Variants in MARF1 observed in about 807,000 individuals in gnomAD.
MARF1 encodes the protein meiosis regulator and mRNA stability factor 1, also known as limkain-b1.
A neutral mutation model predicts 168.2 loss-of-function variants in MARF1; 24 were observed. That is an observed-to-expected ratio of 0.14 (90% CI 0.10 to 0.20). The LOEUF (loss-of-function observed/expected upper bound fraction) is 0.20, where lower values mean the gene tolerates loss of function less well. MARF1 is among the 10% of genes least tolerant of loss of function. The pLI, the probability that MARF1 is intolerant of heterozygous loss-of-function variation, is 1.00. For missense variants in MARF1, 1,744 were observed against 2,143.6 expected (o/e 0.81, Z 3.68); for synonymous variants, 868 against 822.4 (o/e 1.06, Z -0.95).
rs1442880573 is a variant in MARF1, at chr16:15,608,515, A to C, written c.3958T>G (p.Leu1320Val). The change falls in exon 21 of 27, where the codon TTG becomes GTG. Residue 1320 changes from leucine (L) to valine (V), a missense_variant. Leu to Val is a conservative substitution (Grantham distance 32). Coordinates refer to ENST00000396368, the MANE Select transcript of MARF1 (RefSeq NM_014647.4). Reference protein sequence around the residue: ...FEAIPDTLQVLECGEEKILTL... With the variant: ...FEAIPDTLQVVECGEEKILTL... ...AGGATCTTTTCTTCTCCACATTCCA[A>C]TACCTTTGAAAACACACGGGGGGAG... The C allele has an allele frequency of 2.5e-6, 4 of 1,611,822 alleles. 1 individual carries two copies.
rs1268652463 is a variant in MARF1 at position 15,621,917 on chromosome 16, A to G, written c.2461-6T>C. 1 of 1,611,028 alleles carries G rather than the reference A, an allele frequency of 6.2e-7. No homozygotes were observed. Among genetic ancestry groups the G allele is most frequent in the African/African-American group, 1.3e-5 (1 of 74,744 alleles). On this transcript the variant is annotated splice_region_variant and splice_polypyrimidine_tract_variant and intron_variant, in intron 11 of 26. Transcript: ENST00000396368. ...CTGAGCTCAACACTCTTCACCTACA[A>G]CAGGAAAAGCGAAAACTAAACGCTA...
In MARF1 at chr16:15,596,297, T is replaced by A. The variant is rs1271039318; in HGVS notation, c.*396A>T. ...CACCAGTAAGCAAAGGCTGAGAGAC[T>A]CTATTATGCTACATGTAGGATGACA... On this transcript the variant is annotated 3_prime_UTR_variant, in exon 27 of 27. Coordinates refer to ENST00000396368, the MANE Select transcript of MARF1 (RefSeq NM_014647.4). The A allele has an allele frequency of 1.3e-5, 2 of 157,522 alleles. No homozygotes were observed. Among genetic ancestry groups the A allele is most frequent in the African/African-American group, 2.4e-5 (1 of 41,554 alleles). The allele number at this position is 157,522 out of a possible 1,614,324, so 9.8% of individuals were successfully genotyped here. A position where few individuals can be genotyped will look rare whatever the true frequency, so the allele number is the denominator to read the frequency against.
chr16:15,623,453 T>C (rs896627833), intron 10 of MARF1, among the ~76,000 whole-genome samples: 1 of 151,674 alleles, frequency 6.6e-6, no homozygotes, highest in Non-Finnish European at 1.5e-5. Context: ...CTAATTTTTT[T>C]TATTTTTGGT....
chr16:15,640,397 CT>C (rs2035870787), intron 1 of MARF1, among the ~76,000 whole-genome samples: 1 of 152,202 alleles, frequency 6.6e-6, no homozygotes, highest in Non-Finnish European at 1.5e-5. Flanking sequence ...CAACAACACT[CT>C]TACAGGTCTT....
At chr16:15,642,030 G>A (rs773728760) in intron 1 of MARF1, among the ~76,000 whole-genome samples, 3 of 152,104 alleles carry the variant, frequency 2.0e-5, no homozygotes, top group South Asian at 2.1e-4. Context: ...GTGCAGCTTT[G>A]GACAACTCAC....
rs115105986 is a variant in MARF1, at chr16:15,609,791, A to G, written c.3752-66T>C. 3,973 of 1,298,390 alleles carry G rather than the reference A, an allele frequency of 3.1e-3. 94 individuals carry two copies. In the African/African-American group the frequency reaches 0.051, roughly 17 times the overall value. The allele number at this position is 1,298,390 out of a possible 1,614,324, so 80.4% of individuals were successfully genotyped here. A position where few individuals can be genotyped will look rare whatever the true frequency, so the allele number is the denominator to read the frequency against. On this transcript the variant is annotated intron_variant, in intron 19 of 26. Transcript: ENST00000396368. ...CTACCCATTTGTGTTCAACATCCAC[A>G]CTAGAGTAAATCCTTTTGGGAATTT...
Position 15,602,071 on chromosome 16 carries a change from T to C in MARF1, c.4546A>G (p.Thr1516Ala). The change falls in exon 23 of 27, where the codon ACC (threonine) becomes GCC (alanine). Residue 1516 changes from threonine to alanine, a missense_variant. By Grantham distance (58) the Thr-to-Ala change is moderately conservative. Transcript: ENST00000396368. ...TGCAGAGTTTCTCCGACATACTTGGTATAGGCCATGGAAAACTCATGAAGG... is the reference window on the plus strand; with the variant it reads ...TGCAGAGTTTCTCCGACATACTTGGCATAGGCCATGGAAAACTCATGAAGG... ...IFLHEFSMAY[T>A]KYVGETLQPK... 6.2e-7 allele frequency: 1 copy of C among 1,614,152 alleles called. No homozygotes were observed. Among genetic ancestry groups the C allele is most frequent in the South Asian group, 1.1e-5 (1 of 91,078 alleles).
Position 15,625,135 on chromosome 16 carries a change from G to C in MARF1, c.1992C>G (p.Asn664Lys), listed in dbSNP as rs770103093. 1 of 1,614,132 alleles carries C rather than the reference G, an allele frequency of 6.2e-7. No individual in the cohort carries two copies. Among genetic ancestry groups the C allele is most frequent in the South Asian group, 1.1e-5 (1 of 91,084 alleles). Reference sequence around the variant, plus strand: ...TCAGGTGACCTTGCTGGTGCTCACTGTTTCTATGACCAGTTTTTGACTCCA... The same window carrying C: ...TCAGGTGACCTTGCTGGTGCTCACTCTTTCTATGACCAGTTTTTGACTCCA... ...CRMESKTGHRNSEHQQGHLRL... is the reference protein window; with the variant it reads ...CRMESKTGHRKSEHQQGHLRL... The change falls in exon 9 of 27, where the codon AAC (asparagine) becomes AAG (lysine). Residue 664 changes from asparagine to lysine, a missense_variant. Asn to Lys is a moderately conservative substitution (Grantham distance 94). This residue lies in a region of MARF1 where 270 missense variants were observed against 260.6 expected (regional missense o/e 1.04). Coordinates refer to ENST00000396368, the MANE Select transcript of MARF1 (RefSeq NM_014647.4).
rs2034115609 is a variant in MARF1, at chr16:15,617,100, T to C, written c.3029A>G (p.Gln1010Arg). The C allele has an allele frequency of 2.5e-6, 4 of 1,614,124 alleles. No individual in the cohort carries two copies. The highest frequency in any genetic ancestry group is 3.4e-6 in the Non-Finnish European group (4 of 1,180,022). The change falls in exon 15 of 27, where the codon CAG (glutamine) becomes CGG (arginine). Residue 1010 changes from glutamine to arginine, a missense_variant. This residue lies in a region of MARF1 where 543 missense variants were observed against 742.1 expected (regional missense o/e 0.73). Coordinates refer to ENST00000396368, the MANE Select transcript of MARF1 (RefSeq NM_014647.4). ...VILSLKTFAPQVHSLLQTHEG... is the reference protein window; with the variant it reads ...VILSLKTFAPRVHSLLQTHEG... ...GTGGGTCTGGAGAAGACTGTGAACC[T>C]GGGGCGCAAATGTCTTCAAAGAAAG...
intron 1 of MARF1, among the ~76,000 whole-genome samples, chr16:15,641,721 T>G (rs909897957): frequency 3.3e-5 from 5 of 152,196 alleles, no homozygotes; most frequent in African/African-American, 1.2e-4. Flanking sequence ...AAAAAGAAAC[T>G]TAATGAAGTT....
chr16:15,613,194 T>C (rs2033725661), intron 16 of MARF1, among the ~76,000 whole-genome samples: 1 of 152,112 alleles, frequency 6.6e-6, no homozygotes, highest in South Asian at 2.1e-4. Flanking sequence ...GCAAAATTAA[T>C]CCATAGTGGA....
chr16:15,610,119 AC>A (rs1484273597), intron 19 of MARF1, among the ~76,000 whole-genome samples: 1 of 152,096 alleles, frequency 6.6e-6, no homozygotes, highest in Non-Finnish European at 1.5e-5. Flanking sequence ...GAATATCCCC[AC>A]TTTTTTTGTT....
intron 21 of MARF1, 107 bp downstream of exon 21, chr16:15,608,184 T>C: frequency 5.9e-6 from 4 of 680,016 alleles, no homozygotes; most frequent in Middle Eastern, 4.1e-4. Flanking sequence ...TAGTTCAAGG[T>C]GTAAATAAAG....
At chr16:15,598,772 C>CTA in intron 26 of MARF1, 82 bp downstream of exon 26, 23 of 1,372,838 alleles carry the variant, frequency 1.7e-5, no homozygotes, top group Non-Finnish European at 2.3e-5. Flanking sequence ...TTCCCACCTC[C>CTA]GTCATTTACT....
chr16:15,626,717 TG>T (rs2034871666), intron 7 of MARF1, among the ~76,000 whole-genome samples: 1 of 152,008 alleles, frequency 6.6e-6, no homozygotes, highest in African/African-American at 2.4e-5. Context: ...CGCAACACTC[TG>T]GGAGGCCAAG....
intron 1 of MARF1, among the ~76,000 whole-genome samples, chr16:15,640,432 C>T (rs899051763): frequency 2.6e-5 from 4 of 152,170 alleles, no homozygotes; most frequent in Admixed American, 6.5e-5. Flanking sequence ...AGCGAGGCAC[C>T]GTGGCTCAGG....
intron 1 of MARF1, 44 bp downstream of exon 1, chr16:15,642,974 C>T: frequency 4.4e-6 from 1 of 226,994 alleles, no homozygotes; most frequent in Non-Finnish European, 8.8e-6. Flanking sequence ...GGCCTCGGAG[C>T]AGAGCCTGCC....
chr16:15,604,403 G>A lies in MARF1; in HGVS notation c.4183-5C>T, dbSNP rs1195282816. 9.3e-6 allele frequency: 15 copies of A among 1,604,626 alleles called. No individual in the cohort carries two copies. Among genetic ancestry groups the A allele is most frequent in the African/African-American group, 1.3e-5 (1 of 74,660 alleles). On this transcript the variant is annotated splice_region_variant and splice_polypyrimidine_tract_variant and intron_variant, in intron 21 of 26. Transcript: ENST00000396368. The stretch of plus-strand genomic sequence containing the variant: ...GCCAGATTCTATATCGGCAACCTGG[G>A]GAAAACGAGAATTCACACTTTTCAG...
In MARF1 at chr16:15,643,113, C is replaced by CCCG. The variant is rs1403408944; in HGVS notation, c.-157_-155dup. ...TGTTTTGATTCCCGACTCCGCAGCT[C>CCCG]CCGCCGCCGCCGCCAAGCGCACCCT... On this transcript the variant is annotated 5_prime_UTR_variant, in exon 1 of 27. Transcript: ENST00000396368. 3.2e-5 allele frequency: 9 copies of CCCG among 279,594 alleles called. No individual in the cohort carries two copies. The highest frequency in any genetic ancestry group is 9.6e-5 in the African/African-American group (4 of 41,818). The allele number at this position is 279,594 out of a possible 1,614,324, so 17.3% of individuals were successfully genotyped here. A position where few individuals can be genotyped will look rare whatever the true frequency, so the allele number is the denominator to read the frequency against.
Sources: gnomAD v4.1 joint callset for allele counts (sites outside exome capture counted in the v4.1 genomes callset) on GRCh38, gnomAD v4.1.1 for gene constraint, gnomAD v4.1.1 regional missense constraint, MANE v1.5 for transcripts, NCBI Gene and HGNC (gene_info 2026-07-23, HGNC 2026-07-21) for gene names.